The following CNTNAP2 variants were observed in gnomAD, a reference collection of about 807,000 sequenced individuals.
The protein encoded by CNTNAP2 is contactin-associated protein-like 2.
Under a neutral mutation model 155.2 loss-of-function variants are expected in CNTNAP2, and 98 were observed. The ratio of observed to expected loss-of-function variants is 0.63; its 90% CI spans 0.54 to 0.75. The LOEUF is 0.75. Ranked by LOEUF, CNTNAP2 falls within the 30% of genes least tolerant of loss-of-function variation. CNTNAP2 has a pLI of 0.00. For synonymous variants in CNTNAP2, 651 were observed against 631.2 expected (o/e 1.03, Z -0.47); for missense variants, 1,727 against 1,688.1 (o/e 1.02, Z -0.40).
chr7:147,500,433 C>T (rs1232876658), intron 11 of CNTNAP2, among the ~76,000 whole-genome samples: 1 of 152,022 alleles, frequency 6.6e-6, no homozygotes, highest in Admixed American at 6.6e-5. Flanking sequence ...AGGTATACCT[C>T]ATATAAGTCC....
intron 1 of CNTNAP2, among the ~76,000 whole-genome samples, chr7:146,412,115 G>A (rs1446433478): frequency 6.6e-6 from 1 of 152,076 alleles, no homozygotes; most frequent in Non-Finnish European, 1.5e-5. Flanking sequence ...TTACAGGAGT[G>A]AGCCACCGCG....
At chr7:148,094,576 T>G (rs914114459) in intron 15 of CNTNAP2, among the ~76,000 whole-genome samples, 5 of 152,050 alleles carry the variant, frequency 3.3e-5, no homozygotes, top group Admixed American at 6.5e-5. Context: ...ACAAAAGCAG[T>G]GGGAAAAGAT....
chr7:146,151,315 T>C (rs1394199459), intron 1 of CNTNAP2, among the ~76,000 whole-genome samples: 1 of 151,972 alleles, frequency 6.6e-6, no homozygotes, highest in Non-Finnish European at 1.5e-5. Context: ...ACATTGTGAG[T>C]ATGTGAATAT....
chr7:148,175,971 T>C (rs1451691801), intron 18 of CNTNAP2, among the ~76,000 whole-genome samples: 2 of 152,090 alleles, frequency 1.3e-5, no homozygotes, highest in African/African-American at 4.8e-5. Context: ...CATACCTACT[T>C]TCCCTCTCTC....
Position 147,033,179 on chromosome 7 carries a change from T to C in CNTNAP2, c.403-10728T>C, listed in dbSNP as rs1315173556. Among the ~76,000 whole-genome samples the C allele has an allele frequency of 2.4e-3, 136 of 56,066 alleles. 2 individuals carry two copies. The highest frequency in any genetic ancestry group is 6.8e-3 in the African/African-American group (104 of 15,356). The allele number at this position is 56,066 out of a possible 152,430, so 36.8% of individuals were successfully genotyped here. On this transcript the variant is annotated intron_variant, in intron 3 of 23. Transcript: ENST00000361727. ...ATATATGTATATATATATATATATA[T>C]ATATATATATATATATATATATATG... is the stretch of plus-strand genomic sequence containing the variant.
intron 1 of CNTNAP2, among the ~76,000 whole-genome samples, chr7:146,352,976 G>T (rs372637387): frequency 6.6e-6 from 1 of 151,594 alleles, no homozygotes; most frequent in African/African-American, 2.4e-5. Flanking sequence ...GGATGGTCTC[G>T]ATCTCCTGAC....
intron 11 of CNTNAP2, among the ~76,000 whole-genome samples, chr7:147,515,157 AC>A (rs1329435954): frequency 6.6e-6 from 1 of 151,906 alleles, no homozygotes; most frequent in Non-Finnish European, 1.5e-5. Context: ...TGTTCTTCCA[AC>A]TTACCTACTG....
At chr7:146,685,059 AAAC>A (rs774156315) in intron 1 of CNTNAP2, among the ~76,000 whole-genome samples, 3 of 152,168 alleles carry the variant, frequency 2.0e-5, no homozygotes, top group Admixed American at 6.5e-5. Context: ...TAAATAATAA[AAAC>A]AAGAATGATG....
intron 1 of CNTNAP2, among the ~76,000 whole-genome samples, chr7:146,605,579 G>A (rs1799033344): frequency 6.6e-6 from 1 of 152,152 alleles, no homozygotes; most frequent in Non-Finnish European, 1.5e-5. Context: ...AGAGAGGTAT[G>A]TAAACTCTCA....
chr7:147,500,221 A>T (rs1316949113), intron 11 of CNTNAP2, among the ~76,000 whole-genome samples: 2 of 152,128 alleles, frequency 1.3e-5, no homozygotes, highest in Non-Finnish European at 2.9e-5. Flanking sequence ...AGGGCTTTTC[A>T]TTTATAACAA....
chr7:148,407,703 TAAAAAAAAAA>T (rs57666141), intron 22 of CNTNAP2, among the ~76,000 whole-genome samples: 82 of 93,082 alleles, frequency 8.8e-4, no homozygotes, highest in African/African-American at 1.8e-3. Flanking sequence ...GACCAAATCT[TAAAAAAAAAA>T]AAAAAAAAAA....
intron 1 of CNTNAP2, among the ~76,000 whole-genome samples, chr7:146,334,876 A>T (rs1801248972): frequency 1.3e-5 from 2 of 152,184 alleles, no homozygotes; most frequent in East Asian, 1.9e-4. Context: ...GTAGGTTAAT[A>T]TCCTCACTCA....
chr7:147,331,560 A>G (rs1795569503), intron 9 of CNTNAP2, among the ~76,000 whole-genome samples: 1 of 152,058 alleles, frequency 6.6e-6, no homozygotes, highest in South Asian at 2.1e-4. Flanking sequence ...GTACCAACCA[A>G]GCAGTGAGGG....
At chr7:147,422,196 A>AC (rs1563198685) in intron 10 of CNTNAP2, among the ~76,000 whole-genome samples, 1 of 146,428 alleles carries the variant, frequency 6.8e-6, no homozygotes, top group African/African-American at 2.6e-5. Flanking sequence ...ACTATATAGT[A>AC]TGTATATATA....
At chr7:147,256,836 G>T (rs1804339501) in intron 8 of CNTNAP2, among the ~76,000 whole-genome samples, 1 of 151,876 alleles carries the variant, frequency 6.6e-6, no homozygotes, top group Non-Finnish European at 1.5e-5. Flanking sequence ...GGTGGAGGAA[G>T]ATTTGGATAT....
intron 2 of CNTNAP2, among the ~76,000 whole-genome samples, chr7:146,837,009 T>G (rs1251689090): frequency 6.6e-6 from 1 of 152,204 alleles, no homozygotes; most frequent in Non-Finnish European, 1.5e-5. Context: ...GATTTTCTCT[T>G]TAGCATCGTC....
intron 20 of CNTNAP2, among the ~76,000 whole-genome samples, chr7:148,253,543 G>A (rs1209886352): frequency 2.0e-5 from 3 of 152,210 alleles, no homozygotes; most frequent in Non-Finnish European, 4.4e-5. Flanking sequence ...CTGGACTCCA[G>A]TCCCAGTGCT....
intron 8 of CNTNAP2, among the ~76,000 whole-genome samples, chr7:147,139,582 G>T (rs1453072409): frequency 6.6e-6 from 1 of 152,008 alleles, no homozygotes; most frequent in Non-Finnish European, 1.5e-5. Context: ...CTGTGAGATA[G>T]TATCATTGCC....
chr7:146,534,598 A>G (rs1053657155), intron 1 of CNTNAP2, among the ~76,000 whole-genome samples: 1 of 152,072 alleles, frequency 6.6e-6, no homozygotes, highest in African/African-American at 2.4e-5. Flanking sequence ...AATAAGAACA[A>G]CAGGTTTCTA....
Sources: allele counts gnomAD v4.1 joint callset (sites outside exome capture counted in the v4.1 genomes callset), GRCh38; gene constraint gnomAD v4.1.1; transcripts MANE v1.5; gene names NCBI Gene and HGNC (gene_info 2026-07-23, HGNC 2026-07-21).